Variants in ALCAM observed in about 807,000 individuals in gnomAD.
ALCAM encodes the protein activated leukocyte cell adhesion molecule.
ALCAM carries 30 observed loss-of-function variants against 70.9 expected under a neutral mutation model. The observed-to-expected ratio is 0.42, with a 90% CI of 0.32 to 0.57. The LOEUF is 0.57. ALCAM is among the 20% of genes least tolerant of loss of function. ALCAM has a pLI of 0.11. For missense variants in ALCAM, 591 were observed against 695.1 expected, an observed-to-expected ratio of 0.85 and a Z score of 1.68; for synonymous variants, 249 against 242.5, an observed-to-expected ratio of 1.03 and a Z score of -0.25.
At chr3:105,381,173 C>T (rs762829222) in intron 1 of ALCAM, among the ~76,000 whole-genome samples, 4 of 151,886 alleles carry the variant, frequency 2.6e-5, no homozygotes. Context: ...GTGTGGTTGT[C>T]AGTAGTAAGC....
At chr3:105,465,435 G>A (rs921905670) in intron 1 of ALCAM, among the ~76,000 whole-genome samples, 1 of 151,346 alleles carries the variant, frequency 6.6e-6, no homozygotes, top group South Asian at 2.1e-4. Context: ...ATGATAATTA[G>A]AGCCCTAGTA....
intron 1 of ALCAM, among the ~76,000 whole-genome samples, chr3:105,394,669 G>C (rs991534392): frequency 2.0e-5 from 3 of 151,818 alleles, no homozygotes; most frequent in Non-Finnish European, 4.4e-5. Flanking sequence ...TTTAATTTCA[G>C]AGTTAAATTG....
chr3:105,548,707 GA>G (rs1285624794), intron 11 of ALCAM, among the ~76,000 whole-genome samples: 1 of 151,382 alleles, frequency 6.6e-6, no homozygotes, highest in Non-Finnish European at 1.5e-5. Context: ...CACACAGTAA[GA>G]AAGCATATAA....
intron 1 of ALCAM, among the ~76,000 whole-genome samples, chr3:105,430,866 G>A (rs1243040787): frequency 6.6e-6 from 1 of 151,910 alleles, no homozygotes; most frequent in Non-Finnish European, 1.5e-5. Flanking sequence ...TATCAGTATG[G>A]ACTCATGAAT....
chr3:105,507,216 A>C (rs1459038150), intron 1 of ALCAM, among the ~76,000 whole-genome samples: 1 of 151,742 alleles, frequency 6.6e-6, no homozygotes, highest in African/African-American at 2.4e-5. Flanking sequence ...CCCTATTATT[A>C]ACATCTTTGC....
rs1553727615 is a variant in ALCAM at position 105,485,396 on chromosome 3, TGC to T, written c.74-34666_74-34665del. On this transcript the variant is annotated intron_variant, in intron 1 of 15. Coordinates refer to ENST00000306107, the MANE Select transcript of ALCAM (RefSeq NM_001627.4). Reference sequence around the variant, plus strand: ...TACATTGTGTGTGTGTGTGTGTGTGTGCGCGCACATCCACATGTGTGTGACAG... The same window carrying T: ...TACATTGTGTGTGTGTGTGTGTGTGTGCGCACATCCACATGTGTGTGACAG... Among the ~76,000 whole-genome samples the T allele has an allele frequency of 2.0e-4, 29 of 143,416 alleles. 1 individual carries two copies. The South Asian group carries it at 6.4e-3, about 32-fold the overall frequency. 94.1% of individuals were successfully genotyped at this position (143,416 alleles called of 152,430 possible).
chr3:105,434,049 A>G (rs1253591568), intron 1 of ALCAM, among the ~76,000 whole-genome samples: 1 of 152,154 alleles, frequency 6.6e-6, no homozygotes, highest in East Asian at 1.9e-4. Flanking sequence ...TAATTATAAG[A>G]CTGGTCAGAA....
At chr3:105,565,351 C>T (rs1940720199) in intron 14 of ALCAM, among the ~76,000 whole-genome samples, 1 of 152,096 alleles carries the variant, frequency 6.6e-6, no homozygotes, top group Admixed American at 6.5e-5. Context: ...ATTCATGTTG[C>T]ATAATTTCTA....
chr3:105,369,359 G>A (rs1231277508), intron 1 of ALCAM, among the ~76,000 whole-genome samples: 1 of 152,134 alleles, frequency 6.6e-6, no homozygotes, highest in Non-Finnish European at 1.5e-5. Flanking sequence ...GTGTGTCCAG[G>A]GGGCACCGAG....
chr3:105,532,026 T>C lies in ALCAM; in HGVS notation c.419T>C (p.Val140Ala). The change falls in exon 4 of 16, where the codon GTA (valine) becomes GCA (alanine). Residue 140 changes from valine to alanine, a missense_variant. Coordinates refer to ENST00000306107, the MANE Select transcript of ALCAM (RefSeq NM_001627.4). ...VFKQPSKPEI[V>A]SKALFLETEQ... is the part of the protein sequence containing the mutation. ...GAGCAACCATCTAAACCTGAAATTG[T>C]AAGCAAAGCACTGTTTCTCGAAACA... 1.9e-6 allele frequency: 3 copies of C among 1,613,482 alleles called. No homozygotes were observed. Among genetic ancestry groups the C allele is most frequent in the Non-Finnish European group, 2.5e-6 (3 of 1,179,742 alleles).
chr3:105,565,632 T>C (rs1283839706), intron 14 of ALCAM, among the ~76,000 whole-genome samples: 9 of 152,212 alleles, frequency 5.9e-5, no homozygotes, highest in Admixed American at 5.9e-4. Context: ...ATAGGTCACA[T>C]TGCTCTATTT....
chr3:105,446,435 A>T (rs1196386576), intron 1 of ALCAM, among the ~76,000 whole-genome samples: 1 of 152,180 alleles, frequency 6.6e-6, no homozygotes, highest in African/African-American at 2.4e-5. Flanking sequence ...TTAAAAATGG[A>T]ACAACCATAA....
intron 14 of ALCAM, among the ~76,000 whole-genome samples, chr3:105,564,285 A>G (rs1023540092): frequency 1.3e-5 from 2 of 152,132 alleles, no homozygotes; most frequent in Non-Finnish European, 2.9e-5. Flanking sequence ...ATACACTTCT[A>G]TTTCCCTTTC....
At chr3:105,404,772 C>G (rs1244480796) in intron 1 of ALCAM, among the ~76,000 whole-genome samples, 1 of 151,976 alleles carries the variant, frequency 6.6e-6, no homozygotes, top group Non-Finnish European at 1.5e-5. Flanking sequence ...GACCTAAATG[C>G]TCCACTTAAA....
chr3:105,412,806 A>T lies in ALCAM; in HGVS notation c.73+45325A>T, dbSNP rs569395729. 2.0e-5 allele frequency among the ~76,000 whole-genome samples: 3 copies of T among 152,254 alleles called. No individual in the cohort carries two copies. The South Asian group carries it at 6.2e-4, about 32-fold the overall frequency. ...TAAAAATACAAAATACATAATGTTC[A>T]TCCAAAGGGCTTAACATTTTATATT... On this transcript the variant is annotated intron_variant, in intron 1 of 15. Transcript: ENST00000306107.
At chr3:105,508,262 AAAATG>A (rs1939136369) in intron 1 of ALCAM, among the ~76,000 whole-genome samples, 1 of 152,172 alleles carries the variant, frequency 6.6e-6, no homozygotes, top group Non-Finnish European at 1.5e-5. Flanking sequence ...TCCACAATAT[AAAATG>A]AAATAAGGAC....
chr3:105,394,293 G>T (rs1261808795), intron 1 of ALCAM, among the ~76,000 whole-genome samples: 1 of 151,962 alleles, frequency 6.6e-6, no homozygotes, highest in African/African-American at 2.4e-5. Context: ...GTATGTCTGT[G>T]TCTGAGAAGG....
At chr3:105,552,069 A>C in intron 12 of ALCAM, 75 bp from the exon 13 acceptor site, 1 of 1,054,054 alleles carries the variant, frequency 9.5e-7, no homozygotes, top group Non-Finnish European at 1.4e-6. Context: ...ATTACATCAT[A>C]CTATAATGGT....
At chr3:105,558,521 TA>T (rs1940565225) in intron 14 of ALCAM, among the ~76,000 whole-genome samples, 1 of 152,106 alleles carries the variant, frequency 6.6e-6, no homozygotes, top group Non-Finnish European at 1.5e-5. Context: ...CTCACTATGC[TA>T]TTGTTCAGTT....
Sources: gnomAD v4.1 joint callset for allele counts (sites outside exome capture counted in the v4.1 genomes callset) on GRCh38, gnomAD v4.1.1 for gene constraint, MANE v1.5 for transcripts, NCBI Gene and HGNC (gene_info 2026-07-23, HGNC 2026-07-21) for gene names.